METTL15: variants seen among roughly 807,000 people sequenced by gnomAD.
The protein encoded by METTL15 is 12S rRNA N(4)-cytidine methyltransferase METTL15.
Under a neutral mutation model 38.3 loss-of-function variants are expected in METTL15, and 34 were observed. The observed-to-expected ratio is 0.89, with a 90% CI of 0.68 to 1.18. The LOEUF is 1.18. METTL15 is among the 50% of genes most tolerant of loss of function. The pLI, the probability that METTL15 is intolerant of heterozygous loss-of-function variation, is 0.00. For synonymous variants in METTL15, 162 were observed against 170.9 expected, an observed-to-expected ratio of 0.95 and a Z score of 0.41; for missense variants, 438 against 498.4, an observed-to-expected ratio of 0.88 and a Z score of 1.15.
intron 6 of METTL15, among the ~76,000 whole-genome samples, chr11:28,484,505 C>CATGTCCTTTGTTGCCTTA (rs1442520743): frequency 6.6e-6 from 1 of 152,142 alleles, no homozygotes; most frequent in African/African-American, 2.4e-5. Flanking sequence ...TTGGGATTTC[C>CATGTCCTTTGTTGCCTTA]ATGTCCTTTG....
chr11:28,194,174 T>TTCTTTCTTTCTTTCTTTCTTTC (rs1191633285), intron 3 of METTL15, among the ~76,000 whole-genome samples: 2 of 54,322 alleles, frequency 3.7e-5, no homozygotes, highest in East Asian at 7.5e-4. Flanking sequence ...CTTTCTTTCT[T>TTCTTTCTTTCTTTCTTTCTTTC]TTTCTCTCTC....
chr11:28,269,439 T>A (rs1037710326), intron 4 of METTL15, among the ~76,000 whole-genome samples: 1 of 152,138 alleles, frequency 6.6e-6, no homozygotes, highest in African/African-American at 2.4e-5. Context: ...ATTATACATA[T>A]CAAGCTTTTT....
intron 3 of METTL15, among the ~76,000 whole-genome samples, chr11:28,158,470 C>T (rs531677562): frequency 6.6e-6 from 1 of 152,330 alleles, no homozygotes; most frequent in South Asian, 2.1e-4. Flanking sequence ...CAGAGACTAA[C>T]ACCAAGCCCT....
intron 6 of METTL15, among the ~76,000 whole-genome samples, chr11:28,486,135 A>G (rs1851437724): frequency 6.6e-6 from 1 of 152,190 alleles, no homozygotes; most frequent in East Asian, 1.9e-4. Context: ...TTGATAGATG[A>G]GAAAGTTAAC....
chr11:28,460,335 A>G (rs1049802475), intron 6 of METTL15, among the ~76,000 whole-genome samples: 5 of 152,068 alleles, frequency 3.3e-5, no homozygotes, highest in Non-Finnish European at 4.4e-5. Flanking sequence ...TGAAAAATCT[A>G]ACTTTCCTCC....
intron 5 of METTL15, among the ~76,000 whole-genome samples, chr11:28,382,286 A>G (rs12286686): frequency 0.018 from 2,689 of 152,232 alleles, 54 homozygotes; most frequent in African/African-American, 0.051. Context: ...TACAGAGCAG[A>G]GTTTCCAAGT....
intron 3 of METTL15, among the ~76,000 whole-genome samples, chr11:28,180,638 T>A (rs964025007): frequency 3.3e-5 from 5 of 151,852 alleles, no homozygotes; most frequent in African/African-American, 1.2e-4. Context: ...TTGTACTACT[T>A]CCCTCTTAAG....
chr11:28,120,553 G>C (rs1302669766), intron 3 of METTL15, among the ~76,000 whole-genome samples: 1 of 152,024 alleles, frequency 6.6e-6, no homozygotes, highest in East Asian at 1.9e-4. Context: ...AAAAAATCCT[G>C]ATTTTAGTAT....
At chr11:28,427,067 A>G (rs1850872014) in intron 6 of METTL15, among the ~76,000 whole-genome samples, 1 of 151,982 alleles carries the variant, frequency 6.6e-6, no homozygotes, top group Non-Finnish European at 1.5e-5. Context: ...TATAGTTTCC[A>G]GTTTTACCTT....
intron 6 of METTL15, among the ~76,000 whole-genome samples, chr11:28,488,091 AAC>A (rs1031274432): frequency 2.0e-5 from 3 of 152,158 alleles, no homozygotes; most frequent in African/African-American, 7.2e-5. Flanking sequence ...TTATTTATAC[AAC>A]AGTTTCCAAC....
At chr11:28,230,738 T>G (rs1286734124) in intron 4 of METTL15, among the ~76,000 whole-genome samples, 1 of 151,932 alleles carries the variant, frequency 6.6e-6, no homozygotes, top group East Asian at 1.9e-4. Context: ...CATTTTTGCC[T>G]GATATTTAAA....
intron 5 of METTL15, among the ~76,000 whole-genome samples, chr11:28,396,077 G>C (rs1173358978): frequency 6.6e-6 from 1 of 152,050 alleles, no homozygotes; most frequent in African/African-American, 2.4e-5. Context: ...CAATAAATTA[G>C]GTATTGATGG....
intron 3 of METTL15, among the ~76,000 whole-genome samples, chr11:28,143,049 A>G (rs1849753587): frequency 6.6e-6 from 1 of 152,042 alleles, no homozygotes; most frequent in African/African-American, 2.4e-5. Context: ...GAAGAGAGGG[A>G]ACTGTAAAGG....
chr11:28,134,933 G>C (rs1849466884), intron 3 of METTL15, among the ~76,000 whole-genome samples: 1 of 152,056 alleles, frequency 6.6e-6, no homozygotes, highest in Non-Finnish European at 1.5e-5. Context: ...TGAGTTATGG[G>C]CTCTGTGTTT....
intron 5 of METTL15, among the ~76,000 whole-genome samples, chr11:28,408,162 G>T (rs529251275): frequency 1.8e-4 from 28 of 152,150 alleles, no homozygotes; most frequent in Non-Finnish European, 3.8e-4. Context: ...GTTGGTTCAG[G>T]GGGTGGGGTG....
At position 28,308,268 on chromosome 11, in the gene METTL15, G is replaced by A. The variant is rs144342790; in HGVS notation, c.778+11337G>A. Among the ~76,000 whole-genome samples, 810 of 151,852 alleles carry A rather than the reference G, an allele frequency of 5.3e-3. 2 individuals are homozygous for A. Among genetic ancestry groups the A allele is most frequent in the Non-Finnish European group, 6.7e-3 (458 of 67,894 alleles). ...GTGACTTTGTTTTTATTTGTCCTTC[G>A]TGAAACAGAATGAGCTTCTTTAATA... On this transcript the variant is annotated intron_variant, in intron 6 of 6. Coordinates refer to ENST00000407364, the MANE Select transcript of METTL15 (RefSeq NM_001113528.2).
At chr11:28,194,122 A>ATCTTTCTTTCTTTCTTTTCTT (rs1851802321) in intron 3 of METTL15, among the ~76,000 whole-genome samples, 2 of 99,078 alleles carry the variant, frequency 2.0e-5, no homozygotes, top group Non-Finnish European at 4.0e-5. Context: ...TTGATGGTTG[A>ATCTTTCTTTCTTTCTTTTCTT]TCTTTCTTTC....
In METTL15 at chr11:28,118,491, C is replaced by CT. The variant is rs945011501; in HGVS notation, c.270+4897dup. ...TTGTGAAAATGTATTATCCTAAGAACTTTTTTTTTTCTCCTGGAGATATTT... is the reference window on the plus strand; with the variant it reads ...TTGTGAAAATGTATTATCCTAAGAACTTTTTTTTTTTCTCCTGGAGATATTT... On this transcript the variant is annotated intron_variant, in intron 3 of 6. Transcript: ENST00000407364. Among the ~76,000 whole-genome samples, 7 of 149,782 alleles carry CT rather than the reference C, an allele frequency of 4.7e-5. No individual in the cohort carries two copies. In the South Asian group the frequency reaches 1.1e-3, roughly 23 times the overall value.
At chr11:28,385,776 T>C (rs1420765680) in intron 5 of METTL15, among the ~76,000 whole-genome samples, 1 of 152,118 alleles carries the variant, frequency 6.6e-6, no homozygotes, top group Non-Finnish European at 1.5e-5. Flanking sequence ...ATGATAATCT[T>C]TGCATTACAT....
Sources: gnomAD v4.1 joint callset for allele counts (sites outside exome capture counted in the v4.1 genomes callset) on GRCh38, gnomAD v4.1.1 for gene constraint, MANE v1.5 for transcripts, NCBI Gene and HGNC (gene_info 2026-07-23, HGNC 2026-07-21) for gene names.